The following MED12L variants were observed in gnomAD, a reference collection of about 807,000 sequenced individuals.
The protein encoded by MED12L is mediator of RNA polymerase II transcription subunit 12-like protein.
A neutral mutation model predicts 281.3 loss-of-function variants in MED12L; 60 were observed. The ratio of observed to expected loss-of-function variants is 0.21; its 90% confidence interval spans 0.17 to 0.26. The LOEUF (loss-of-function observed/expected upper bound fraction) is 0.26, where lower values mean the gene tolerates loss of function less well. Among genes scored for constraint, MED12L ranks in the 10% least tolerant of loss-of-function variants. The pLI is 1.00. For synonymous variants in MED12L, 974 were observed against 987.2 expected (o/e 0.99, Z 0.25); for missense variants, 2,146 against 2,680.9 (o/e 0.80, Z 4.41).
chr3:151,393,978 A>C (rs1714629589), intron 38 of MED12L, among the ~76,000 whole-genome samples: 1 of 152,194 alleles, frequency 6.6e-6, no homozygotes. Context: ...GCAAATGTCG[A>C]CTTTTTTTTC....
intron 17 of MED12L, among the ~76,000 whole-genome samples, chr3:151,351,009 A>C (rs1042998377): frequency 1.3e-5 from 2 of 152,196 alleles, no homozygotes; most frequent in African/African-American, 4.8e-5. Context: ...TAATACTTAA[A>C]TCATAGAAGG....
chr3:151,277,505 T>A (rs1037191856), intron 16 of MED12L, among the ~76,000 whole-genome samples: 2 of 152,194 alleles, frequency 1.3e-5, no homozygotes, highest in Non-Finnish European at 2.9e-5. Flanking sequence ...TAGTGTGATC[T>A]TTGATTCATT....
chr3:151,300,178 A>AGGTT, intron 16 of MED12L: 1 of 960,344 alleles, frequency 1.0e-6, no homozygotes, highest in South Asian at 1.3e-5. Context: ...GGTTCAGCAT[A>AGGTT]GGTTATTCCT....
At chr3:151,178,158 A>AC (rs1491224680) in intron 11 of MED12L, among the ~76,000 whole-genome samples, 770 of 49,420 alleles carry the variant, frequency 0.016, 17 homozygotes, top group African/African-American at 0.13. Context: ...ACTTGGTCTC[A>AC]AAAAAAAAAA....
intron 16 of MED12L, among the ~76,000 whole-genome samples, chr3:151,322,356 T>A (rs1004650925): frequency 2.6e-4 from 39 of 152,068 alleles, no homozygotes; most frequent in African/African-American, 8.4e-4. Context: ...CAGGTAATTT[T>A]TTTTTTATTT....
At chr3:151,391,199 G>A (rs1278207951) in intron 38 of MED12L, among the ~76,000 whole-genome samples, 1 of 152,182 alleles carries the variant, frequency 6.6e-6, no homozygotes, top group Non-Finnish European at 1.5e-5. Flanking sequence ...ACATACATAT[G>A]TAAGATTTAA....
intron 2 of MED12L, among the ~76,000 whole-genome samples, chr3:151,115,576 A>G (rs2148731765): frequency 6.6e-6 from 1 of 150,700 alleles, no homozygotes. Context: ...TGAACTCCTA[A>G]CCTCAGGTGA....
chr3:151,295,835 C>G (rs1057411294), intron 16 of MED12L, among the ~76,000 whole-genome samples: 2 of 152,142 alleles, frequency 1.3e-5, no homozygotes, highest in Non-Finnish European at 2.9e-5. Context: ...CTACTGTCTT[C>G]TAAAGTGAAC....
At chr3:151,422,861 T>TG (rs1179812971) in intron 43 of MED12L, among the ~76,000 whole-genome samples, 1 of 150,664 alleles carries the variant, frequency 6.6e-6, no homozygotes, top group African/African-American at 2.4e-5. Flanking sequence ...GAATGTTAAT[T>TG]TTTTTTAGAG....
intron 5 of MED12L, 122 bp from the exon 6 acceptor site, chr3:151,156,039 T>G (rs554609663): frequency 1.2e-6 from 1 of 824,112 alleles, no homozygotes; most frequent in Non-Finnish European, 1.8e-6. Context: ...ACAGATCATT[T>G]TTAGGGAGCA....
In MED12L at chr3:151,341,300, G is replaced by A. The variant is rs189820784; in HGVS notation, c.2251-8759G>A. Among the ~76,000 whole-genome samples, 38 of 152,130 alleles carry A rather than the reference G, an allele frequency of 2.5e-4. No homozygotes were observed. In the East Asian group the frequency reaches 6.6e-3, roughly 26 times the overall value. ...AACAGCTTCCTTCTATTATAAATTA[G>A]CAGATTCCAAAATTACATTAGAGAA... On this transcript the variant is annotated intron_variant, in intron 16 of 44. Transcript: ENST00000687756.
At chr3:151,288,188 G>A (rs924824633) in intron 16 of MED12L, among the ~76,000 whole-genome samples, 1 of 152,286 alleles carries the variant, frequency 6.6e-6, no homozygotes, top group Non-Finnish European at 1.5e-5. Flanking sequence ...CAGTGGCTGG[G>A]ACCATGAATG....
chr3:151,312,058 A>G (rs1424421723), intron 16 of MED12L, among the ~76,000 whole-genome samples: 2 of 141,850 alleles, frequency 1.4e-5, no homozygotes, highest in African/African-American at 5.3e-5. Context: ...AACAACACAA[A>G]AACAATTGAT....
intron 16 of MED12L, among the ~76,000 whole-genome samples, chr3:151,219,903 CCCTT>C (rs1729001831): frequency 7.3e-6 from 1 of 136,724 alleles, no homozygotes; most frequent in Admixed American, 7.3e-5. Context: ...CCCCCCCCCC[CCCTT>C]GGATATGGAT....
intron 38 of MED12L, among the ~76,000 whole-genome samples, chr3:151,393,360 A>T (rs1012823326): frequency 2.6e-5 from 4 of 152,204 alleles, no homozygotes; most frequent in African/African-American, 9.7e-5. Context: ...ATATGAAAGA[A>T]GCAGGTTAAA....
At chr3:151,362,804 G>A (rs1039354716) in intron 21 of MED12L, among the ~76,000 whole-genome samples, 6 of 152,120 alleles carry the variant, frequency 3.9e-5, no homozygotes, top group African/African-American at 1.4e-4. Context: ...AAATGGGTTA[G>A]GTTTCAAAAT....
intron 16 of MED12L, among the ~76,000 whole-genome samples, chr3:151,255,808 C>T (rs1487679636): frequency 1.3e-5 from 2 of 152,154 alleles, no homozygotes; most frequent in Non-Finnish European, 2.9e-5. Context: ...TTTGGATATA[C>T]AAGCCAGCAG....
intron 17 of MED12L, among the ~76,000 whole-genome samples, chr3:151,354,726 A>C (rs934637935): frequency 2.0e-5 from 3 of 152,224 alleles, no homozygotes; most frequent in Non-Finnish European, 4.4e-5. Context: ...ATAAGTGAGA[A>C]TTATTAGTTT....
chr3:151,407,162 A>G (rs772760486), intron 39 of MED12L, among the ~76,000 whole-genome samples: 5 of 152,174 alleles, frequency 3.3e-5, no homozygotes, highest in Non-Finnish European at 7.3e-5. Context: ...ATATTGCCCA[A>G]TAGCTCAGAT....
Sources: allele counts gnomAD v4.1 joint callset (sites outside exome capture counted in the v4.1 genomes callset), GRCh38; gene constraint gnomAD v4.1.1; transcripts MANE v1.5; gene names NCBI Gene and HGNC (gene_info 2026-07-23, HGNC 2026-07-21).